The following GNAQ variants were observed in gnomAD, a reference collection of about 807,000 sequenced individuals.
The protein encoded by GNAQ is G protein subunit alpha q.
GNAQ carries 8 observed loss-of-function variants against 43.9 expected under a neutral mutation model. The observed-to-expected ratio is 0.18, with a 90% confidence interval of 0.11 to 0.33. The LOEUF is 0.33. GNAQ is among the 10% of genes least tolerant of loss of function. The pLI, the probability that GNAQ is intolerant of heterozygous loss-of-function variation, is 1.00. For missense variants in GNAQ, 158 were observed against 450.8 expected, an observed-to-expected ratio of 0.35 and a Z score of 5.88; for synonymous variants, 155 against 170.7, an observed-to-expected ratio of 0.91 and a Z score of 0.71.
intron 2 of GNAQ, among the ~76,000 whole-genome samples, chr9:77,872,761 T>C (rs1403192835): frequency 6.6e-6 from 1 of 152,202 alleles, no homozygotes; most frequent in Non-Finnish European, 1.5e-5. Flanking sequence ...GTTTCTGTAT[T>C]TTTAATAGCA....
chr9:77,793,835 G>C (rs1387229383), intron 5 of GNAQ, among the ~76,000 whole-genome samples: 2 of 152,064 alleles, frequency 1.3e-5, no homozygotes, highest in Admixed American at 1.3e-4. Context: ...AAGTTTCCCT[G>C]TAACAGGGAG....
intron 2 of GNAQ, among the ~76,000 whole-genome samples, chr9:77,884,291 T>C (rs1361648093): frequency 6.6e-6 from 1 of 152,226 alleles, no homozygotes; most frequent in East Asian, 1.9e-4. Context: ...CCAATCTGCC[T>C]GCTGAGCCAG....
At chr9:77,740,150 C>T (rs1215244957) in intron 5 of GNAQ, among the ~76,000 whole-genome samples, 4 of 152,144 alleles carry the variant, frequency 2.6e-5, no homozygotes, top group Non-Finnish European at 4.4e-5. Context: ...CAGAAACACA[C>T]GTGGCCGCCT....
In GNAQ at chr9:77,815,886, C is replaced by A. The variant is rs2289121; in HGVS notation, c.322-116G>T. The A allele has an allele frequency of 0.63, 382,198 of 604,652 alleles. 123,177 individuals carry two copies. Among genetic ancestry groups the A allele is most frequent in the Non-Finnish European group, 0.68 (240,092 of 352,998 alleles). The allele number at this position is 604,652 out of a possible 1,614,324, so 37.5% of individuals were successfully genotyped here. A position where few individuals can be genotyped will look rare whatever the true frequency, so the allele number is the denominator to read the frequency against. On this transcript the variant is annotated intron_variant, in intron 2 of 6. Coordinates refer to ENST00000286548, the MANE Select transcript of GNAQ (RefSeq NM_002072.5). Reference sequence around the variant, plus strand: ...ACCTTCCTTCATATACTGGTCTTTACACTGGTTTACAATAAAGTCATGTTT... The same window carrying A: ...ACCTTCCTTCATATACTGGTCTTTAAACTGGTTTACAATAAAGTCATGTTT...
chr9:77,999,918 C>T (rs1823622791), intron 1 of GNAQ, among the ~76,000 whole-genome samples: 1 of 152,122 alleles, frequency 6.6e-6, no homozygotes, highest in African/African-American at 2.4e-5. Context: ...GTTAGGGTAA[C>T]ATTTAGGGAG....
intron 2 of GNAQ, among the ~76,000 whole-genome samples, chr9:77,893,416 G>C (rs1375191702): frequency 6.6e-6 from 1 of 152,190 alleles, no homozygotes; most frequent in African/African-American, 2.4e-5. Context: ...GGTCTGAAAA[G>C]GGGAGGACCC....
chr9:77,969,974 T>A (rs886427237), intron 1 of GNAQ, among the ~76,000 whole-genome samples: 2 of 152,126 alleles, frequency 1.3e-5, no homozygotes, highest in Non-Finnish European at 2.9e-5. Context: ...ATCCCAGCAC[T>A]CTGGGAGGCA....
chr9:77,993,425 G>A (rs548651794), intron 1 of GNAQ, among the ~76,000 whole-genome samples: 7 of 152,278 alleles, frequency 4.6e-5, no homozygotes, highest in East Asian at 1.9e-4. Context: ...TAGGCCAGGC[G>A]CGGTGGCTCA....
At chr9:77,749,010 G>A (rs969602761) in intron 5 of GNAQ, among the ~76,000 whole-genome samples, 8 of 152,152 alleles carry the variant, frequency 5.3e-5, no homozygotes, top group African/African-American at 1.9e-4. Context: ...ACTGGCTTCT[G>A]ACAGATTTCC....
intron 2 of GNAQ, among the ~76,000 whole-genome samples, chr9:77,863,840 G>C (rs1040489054): frequency 6.6e-6 from 1 of 152,116 alleles, no homozygotes; most frequent in Non-Finnish European, 1.5e-5. Flanking sequence ...AAAATCATCA[G>C]ATCTCATGAG....
At chr9:77,930,602 C>G (rs1829135311) in intron 1 of GNAQ, among the ~76,000 whole-genome samples, 3 of 152,042 alleles carry the variant, frequency 2.0e-5, no homozygotes, top group Admixed American at 2.0e-4. Flanking sequence ...AAAGTTTTAC[C>G]TTTTACAATT....
intron 2 of GNAQ, among the ~76,000 whole-genome samples, chr9:77,912,903 T>C (rs1828831961): frequency 6.6e-6 from 1 of 152,128 alleles, no homozygotes; most frequent in East Asian, 1.9e-4. Context: ...ATCCCAGCTG[T>C]GGTGAAAGGA....
At chr9:78,001,702 T>C (rs1823646287) in intron 1 of GNAQ, among the ~76,000 whole-genome samples, 3 of 152,096 alleles carry the variant, frequency 2.0e-5, no homozygotes, top group Admixed American at 1.3e-4. Flanking sequence ...TGAGACCCTC[T>C]CATGAGTTCA....
At chr9:77,731,576 G>C (rs71511433) in intron 5 of GNAQ, among the ~76,000 whole-genome samples, 6,952 of 152,314 alleles carry the variant, frequency 0.046, 224 homozygotes, top group Non-Finnish European at 0.073. Flanking sequence ...CTGCCAAATT[G>C]AATCTCTGAG....
At chr9:77,997,846 C>T (rs1355741246) in intron 1 of GNAQ, among the ~76,000 whole-genome samples, 9 of 152,116 alleles carry the variant, frequency 5.9e-5, no homozygotes, top group African/African-American at 1.9e-4. Flanking sequence ...GAGAGTTTTG[C>T]AGAGTTTCAT....
At chr9:77,771,734 G>A (rs2118373339) in intron 5 of GNAQ, among the ~76,000 whole-genome samples, 1 of 152,314 alleles carries the variant, frequency 6.6e-6, no homozygotes, top group South Asian at 2.1e-4. Flanking sequence ...GGAACTGCAT[G>A]AGGTTGCATG....
intron 2 of GNAQ, among the ~76,000 whole-genome samples, chr9:77,866,891 T>C (rs1587374349): frequency 6.6e-6 from 1 of 152,250 alleles, no homozygotes; most frequent in Non-Finnish European, 1.5e-5. Flanking sequence ...AGTTAGTTAA[T>C]GTACTGTCTT....
chr9:77,794,378 C>T, intron 5 of GNAQ, 85 bp downstream of exon 5: 1 of 909,696 alleles, frequency 1.1e-6, no homozygotes, highest in South Asian at 2.3e-5. Context: ...AGTAAGTTCA[C>T]TCCATTCCCC....
At chr9:77,864,928 T>C (rs1564134318) in intron 2 of GNAQ, among the ~76,000 whole-genome samples, 1 of 152,170 alleles carries the variant, frequency 6.6e-6, no homozygotes. Context: ...AACCCTACTC[T>C]AGAGTATTTT....
Sources: allele counts gnomAD v4.1 joint callset (sites outside exome capture counted in the v4.1 genomes callset), GRCh38; gene constraint gnomAD v4.1.1; transcripts MANE v1.5; gene names NCBI Gene and HGNC (gene_info 2026-07-23, HGNC 2026-07-21).